LDLRAD3: variants seen among roughly 807,000 people sequenced by gnomAD.
LDLRAD3 encodes the protein low-density lipoprotein receptor class A domain-containing protein 3.
In LDLRAD3, 20 loss-of-function variants were observed where a neutral mutation model predicts 29.4. That is an observed-to-expected ratio of 0.68 (90% CI 0.48 to 0.99). The LOEUF (loss-of-function observed/expected upper bound fraction) is 0.99, where lower values mean the gene tolerates loss of function less well. Among genes scored for constraint, LDLRAD3 ranks in the 50% least tolerant of loss-of-function variants. The probability of loss-of-function intolerance (pLI) is 0.00; values close to 1 mark genes in which losing one functional copy is unlikely to be tolerated. For missense variants in LDLRAD3, 420 were observed against 454.3 expected, an observed-to-expected ratio of 0.92 and a Z score of 0.69; for synonymous variants, 157 against 192.7, an observed-to-expected ratio of 0.81 and a Z score of 1.53.
chr11:36,071,661 C>T (rs749738854), intron 2 of LDLRAD3, among the ~76,000 whole-genome samples: 4 of 152,166 alleles, frequency 2.6e-5, no homozygotes, highest in Admixed American at 1.3e-4. Flanking sequence ...ATTGCATGCT[C>T]GGATTTCTGC....
At chr11:36,046,887 G>A (rs906260546) in intron 2 of LDLRAD3, among the ~76,000 whole-genome samples, 11 of 152,276 alleles carry the variant, frequency 7.2e-5, no homozygotes, top group Admixed American at 2.6e-4. Context: ...ATTCAAATGA[G>A]AAAATAAATA....
At chr11:36,137,854 T>C (rs1854024896) in intron 4 of LDLRAD3, among the ~76,000 whole-genome samples, 1 of 152,222 alleles carries the variant, frequency 6.6e-6, no homozygotes, top group South Asian at 2.1e-4. Flanking sequence ...TGGGTAACCA[T>C]TTACATATTT....
intron 2 of LDLRAD3, among the ~76,000 whole-genome samples, chr11:36,076,214 G>GTCCATCTGTCCATCCA (rs1554962917): frequency 3.7e-5 from 4 of 107,416 alleles, no homozygotes; most frequent in African/African-American, 1.4e-4. Context: ...TTGTCTGTCT[G>GTCCATCTGTCCATCCA]TCCATCCGTC....
intron 4 of LDLRAD3, among the ~76,000 whole-genome samples, chr11:36,214,107 C>T (rs1855320947): frequency 6.6e-6 from 1 of 152,166 alleles, no homozygotes; most frequent in Admixed American, 6.5e-5. Context: ...GGCTGTGGGG[C>T]CCAGCGTTGA....
intron 1 of LDLRAD3, chr11:36,010,043 G>T (rs262404): frequency 6.5e-6 from 1 of 154,318 alleles, no homozygotes; most frequent in Non-Finnish European, 1.5e-5. Context: ...GGACTGAAGA[G>T]TATAACCTAC....
At chr11:36,008,555 T>C (rs1361294519) in intron 1 of LDLRAD3, among the ~76,000 whole-genome samples, 1 of 152,218 alleles carries the variant, frequency 6.6e-6, no homozygotes, top group Non-Finnish European at 1.5e-5. Context: ...GGCAATTCTT[T>C]GGGTGTTCCA....
chr11:36,032,970 G>C (rs1020939049), intron 1 of LDLRAD3, among the ~76,000 whole-genome samples: 1 of 151,916 alleles, frequency 6.6e-6, no homozygotes, highest in Non-Finnish European at 1.5e-5. Flanking sequence ...TGCCTCCCGG[G>C]TTCAAGCGAT....
At chr11:36,043,371 G>A (rs1004761984) in intron 2 of LDLRAD3, among the ~76,000 whole-genome samples, 15 of 152,188 alleles carry the variant, frequency 9.9e-5, no homozygotes, top group African/African-American at 3.6e-4. Context: ...TGTCTAACAG[G>A]CTGACGTCTG....
Position 36,015,645 on chromosome 11 carries a change from C to A in LDLRAD3, c.47-20458C>A, listed in dbSNP as rs569600702. On this transcript the variant is annotated intron_variant, in intron 1 of 5. Coordinates refer to ENST00000315571, the MANE Select transcript of LDLRAD3 (RefSeq NM_174902.4). Reference sequence around the variant, plus strand: ...AACCCCAGAGCCCCGGTGGTGCCCCCACTCCATCCTCCCCCTGCCCCCCGC... The same window carrying A: ...AACCCCAGAGCCCCGGTGGTGCCCCAACTCCATCCTCCCCCTGCCCCCCGC... Among the ~76,000 whole-genome samples, 8 of 151,738 alleles carry A rather than the reference C, an allele frequency of 5.3e-5. No homozygotes were observed. In the East Asian group the frequency reaches 1.4e-3, roughly 26 times the overall value.
At chr11:36,071,455 G>C (rs1332318785) in intron 2 of LDLRAD3, among the ~76,000 whole-genome samples, 1 of 152,034 alleles carries the variant, frequency 6.6e-6, no homozygotes, top group Non-Finnish European at 1.5e-5. Flanking sequence ...ATCTGGCTGT[G>C]CATTGTTTAT....
chr11:35,947,146 T>C (rs1851067468), intron 1 of LDLRAD3, among the ~76,000 whole-genome samples: 1 of 152,212 alleles, frequency 6.6e-6, no homozygotes, highest in Non-Finnish European at 1.5e-5. Flanking sequence ...ACTTGTATTG[T>C]CACCTTTGTA....
intron 1 of LDLRAD3, among the ~76,000 whole-genome samples, chr11:36,029,342 T>C (rs928274519): frequency 5.9e-5 from 9 of 152,150 alleles, no homozygotes; most frequent in African/African-American, 1.9e-4. Flanking sequence ...GAAAAGTCCA[T>C]AATAATTGCT....
intron 4 of LDLRAD3, among the ~76,000 whole-genome samples, chr11:36,207,477 C>T (rs1855226472): frequency 6.6e-6 from 1 of 152,066 alleles, no homozygotes; most frequent in Non-Finnish European, 1.5e-5. Flanking sequence ...TAAGGAGACC[C>T]TGTCTCTAAA....
chr11:36,181,912 TTCTC>T (rs1044645614), intron 4 of LDLRAD3, among the ~76,000 whole-genome samples: 3 of 151,766 alleles, frequency 2.0e-5, no homozygotes, highest in African/African-American at 7.3e-5. Flanking sequence ...CTCTCACACT[TTCTC>T]TCTCTCACTG....
chr11:36,206,947 C>G (rs1369229238), intron 4 of LDLRAD3, among the ~76,000 whole-genome samples: 2 of 152,036 alleles, frequency 1.3e-5, no homozygotes, highest in Non-Finnish European at 2.9e-5. Flanking sequence ...AGGCTGGTCT[C>G]AAACTCTTGA....
intron 4 of LDLRAD3, among the ~76,000 whole-genome samples, chr11:36,108,319 C>CAAAAAAAAAAAAAAAAAAAAAAAA (rs60376519): frequency 2.0e-5 from 1 of 48,978 alleles, no homozygotes; most frequent in Non-Finnish European, 3.5e-5. Flanking sequence ...GACTCCATCT[C>CAAAAAAAAAAAAAAAAAAAAAAAA]AAAAAAAAAA....
At chr11:36,171,516 T>C (rs778518870) in intron 4 of LDLRAD3, among the ~76,000 whole-genome samples, 3 of 152,244 alleles carry the variant, frequency 2.0e-5, no homozygotes, top group Non-Finnish European at 2.9e-5. Flanking sequence ...TACATGAGGC[T>C]TGTCCATTTA....
At chr11:36,220,792 G>T (rs906069041) in intron 4 of LDLRAD3, among the ~76,000 whole-genome samples, 1 of 152,152 alleles carries the variant, frequency 6.6e-6, no homozygotes, top group Non-Finnish European at 1.5e-5. Flanking sequence ...GATGGAAAGG[G>T]TCTATATCTT....
intron 4 of LDLRAD3, among the ~76,000 whole-genome samples, chr11:36,168,278 C>T (rs1442433519): frequency 6.6e-6 from 1 of 152,148 alleles, no homozygotes; most frequent in African/African-American, 2.4e-5. Context: ...ATTTAATATG[C>T]ATGATATAAC....
Sources: allele counts gnomAD v4.1 joint callset (sites outside exome capture counted in the v4.1 genomes callset), GRCh38; gene constraint gnomAD v4.1.1; transcripts MANE v1.5; gene names NCBI Gene and HGNC (gene_info 2026-07-23, HGNC 2026-07-21).